Variants in UBE2V2 observed in about 807,000 individuals in gnomAD.
UBE2V2 encodes ubiquitin conjugating enzyme E2 V2.
UBE2V2 carries 9 observed loss-of-function variants against 17.2 expected under a neutral mutation model. The ratio of observed to expected loss-of-function variants is 0.52; its 90% CI spans 0.32 to 0.91. The LOEUF (loss-of-function observed/expected upper bound fraction) is 0.91. Ranked by LOEUF, UBE2V2 falls within the 40% of genes least tolerant of loss-of-function variation. The pLI, the probability that UBE2V2 is intolerant of heterozygous loss-of-function variation, is 0.04. For synonymous variants in UBE2V2, 61 were observed against 57.5 expected, an observed-to-expected ratio of 1.06 and a Z score of -0.28; for missense variants, 133 against 182.6, an observed-to-expected ratio of 0.73 and a Z score of 1.56.
chr8:48,019,143 G>A (rs1236721695), intron 1 of UBE2V2, among the ~76,000 whole-genome samples: 1 of 152,054 alleles, frequency 6.6e-6, no homozygotes, highest in Non-Finnish European at 1.5e-5. Flanking sequence ...AAGGCAGGTG[G>A]AGCACGAGGT....
At chr8:48,024,364 G>A (rs1157392118) in intron 1 of UBE2V2, among the ~76,000 whole-genome samples, 1 of 152,060 alleles carries the variant, frequency 6.6e-6, no homozygotes, top group Non-Finnish European at 1.5e-5. Context: ...GGGAGGCCAG[G>A]GTAGGTGGAT....
At chr8:48,058,706 G>A (rs1052799449) in intron 3 of UBE2V2, among the ~76,000 whole-genome samples, 1 of 151,866 alleles carries the variant, frequency 6.6e-6, no homozygotes, top group Non-Finnish European at 1.5e-5. Flanking sequence ...GTAGATTCCT[G>A]TTAGGTTGGA....
At chr8:48,008,403 G>A (rs1204412305), upstream of UBE2V2, 2 of 1,553,470 alleles carry the variant, frequency 1.3e-6, no homozygotes, top group Admixed American at 1.9e-5. Context: ...CGGAAGTGAC[G>A]CGCGACGGTT....
rs1171302020 is a variant in UBE2V2, at chr8:48,063,567, T to C, written c.*2739T>C. ...ACTTCTTGTCCTGTTAGGTCAGTGT[T>C]ATGATTTAATGGTTTTAATTACTTA... On this transcript the variant is annotated 3_prime_UTR_variant, in exon 4 of 4. Coordinates refer to ENST00000523111, the MANE Select transcript of UBE2V2 (RefSeq NM_003350.3). The C allele has an allele frequency of 6.6e-6, 1 of 152,196 alleles. No individual in the cohort carries two copies. Among genetic ancestry groups the C allele is most frequent in the Non-Finnish European group, 1.5e-5 (1 of 68,026 alleles). 9.4% of individuals were successfully genotyped at this position (152,196 alleles called of 1,614,324 possible).
At chr8:48,029,812 T>G (rs1260980179) in intron 1 of UBE2V2, among the ~76,000 whole-genome samples, 1 of 152,232 alleles carries the variant, frequency 6.6e-6, no homozygotes, top group Non-Finnish European at 1.5e-5. Context: ...TTTGGAGAGA[T>G]ATCTGTTTAT....
chr8:48,035,900 A>C (rs2091421383), intron 1 of UBE2V2, among the ~76,000 whole-genome samples: 1 of 150,014 alleles, frequency 6.7e-6, no homozygotes, highest in Non-Finnish European at 1.5e-5. Flanking sequence ...CAAAAAAAAA[A>C]TTGGAAGTTG....
At chr8:48,028,338 CTTTTT>C (rs775995878) in intron 1 of UBE2V2, among the ~76,000 whole-genome samples, 2 of 127,318 alleles carry the variant, frequency 1.6e-5, no homozygotes, top group Non-Finnish European at 1.7e-5. Flanking sequence ...CGGCTGTTTT[CTTTTT>C]TTTTTTTTTT....
chr8:48,053,387 T>C (rs1477648039), intron 3 of UBE2V2, among the ~76,000 whole-genome samples: 1 of 152,084 alleles, frequency 6.6e-6, no homozygotes, highest in Non-Finnish European at 1.5e-5. Flanking sequence ...CTTTGTCAAA[T>C]GTTAACATTT....
intron 3 of UBE2V2, among the ~76,000 whole-genome samples, chr8:48,059,584 T>C (rs1204663813): frequency 6.6e-6 from 1 of 151,904 alleles, no homozygotes; most frequent in Non-Finnish European, 1.5e-5. Context: ...AATTTTTGTA[T>C]TTTTAGTAGA....
chr8:48,008,339 CCCGCGCCCGCCGGGGGCGGAGT>C, upstream of UBE2V2: 5 of 1,360,112 alleles, frequency 3.7e-6, no homozygotes, highest in Non-Finnish European at 4.7e-6. Context: ...CTCGGGTCGC[CCCGCGCCCGCCGGGGGCGGAGT>C]CCGCTGTGAC....
chr8:48,028,360 CAG>C (rs1207357357), intron 1 of UBE2V2, among the ~76,000 whole-genome samples: 2 of 137,992 alleles, frequency 1.4e-5, no homozygotes, highest in Admixed American at 1.5e-4. Flanking sequence ...TTTTTTGAGA[CAG>C]AGTTTCGTTC....
At chr8:48,003,423 A>T (rs1179603568), upstream of UBE2V2, among the ~76,000 whole-genome samples, 1 of 152,152 alleles carries the variant, frequency 6.6e-6, no homozygotes, top group Non-Finnish European at 1.5e-5. Flanking sequence ...CTTTGTCCTC[A>T]ACAGGAGAAA....
intron 1 of UBE2V2, among the ~76,000 whole-genome samples, chr8:48,019,864 G>C (rs977641959): frequency 2.0e-5 from 3 of 152,000 alleles, no homozygotes; most frequent in Non-Finnish European, 4.4e-5. Flanking sequence ...AATTCCACTT[G>C]GGAGGCTGAG....
At chr8:48,034,128 C>CTTTTTTTTTTTTTTTT (rs895844431) in intron 1 of UBE2V2, among the ~76,000 whole-genome samples, 1 of 136,312 alleles carries the variant, frequency 7.3e-6, no homozygotes, top group South Asian at 2.3e-4. Flanking sequence ...TTTTCTTTTC[C>CTTTTTTTTTTTTTTTT]TTTTTTTTTT....
At chr8:48,057,394 T>C (rs1046724592) in intron 3 of UBE2V2, among the ~76,000 whole-genome samples, 1 of 152,142 alleles carries the variant, frequency 6.6e-6, no homozygotes, top group Non-Finnish European at 1.5e-5. Context: ...CTCTGCCTCC[T>C]GGGCTCAAGC....
chr8:48,031,441 C>G (rs1563853389), intron 1 of UBE2V2, among the ~76,000 whole-genome samples: 1 of 152,018 alleles, frequency 6.6e-6, no homozygotes, highest in East Asian at 1.9e-4. Flanking sequence ...AATGAACTCT[C>G]CATATAGGTG....
At chr8:48,024,442 A>T (rs1286122877) in intron 1 of UBE2V2, among the ~76,000 whole-genome samples, 5 of 152,090 alleles carry the variant, frequency 3.3e-5, no homozygotes, top group Admixed American at 1.3e-4. Context: ...CTGAAAATAC[A>T]AAATTAGCTG....
the UBE2V2 span, among the ~76,000 whole-genome samples, chr8:48,001,872 T>C: frequency 6.6e-6 from 1 of 152,144 alleles, no homozygotes; most frequent in Non-Finnish European, 1.5e-5. Flanking sequence ...GGTGGATCAC[T>C]TGAGGTCAGG....
intron 2 of UBE2V2, 183 bp downstream of exon 2, chr8:48,043,364 G>C (rs568994851): frequency 4.0e-5 from 18 of 453,554 alleles, no homozygotes; most frequent in South Asian, 2.2e-4. Context: ...TAGAGGATTG[G>C]GGGGAGGAAG....
Sources: allele counts gnomAD v4.1 joint callset (sites outside exome capture counted in the v4.1 genomes callset), GRCh38; gene constraint gnomAD v4.1.1; transcripts MANE v1.5; gene names NCBI Gene and HGNC (gene_info 2026-07-23, HGNC 2026-07-21).